The following POLR2F variants were observed in gnomAD, a reference collection of about 807,000 sequenced individuals.
The protein encoded by POLR2F is DNA-directed RNA polymerases I, II, and III subunit RPABC2.
A neutral mutation model predicts 22.7 loss-of-function variants in POLR2F; 12 were observed. That is an observed-to-expected ratio of 0.53 (90% CI 0.34 to 0.86). The LOEUF (loss-of-function observed/expected upper bound fraction) is 0.86. Among genes scored for constraint, POLR2F ranks in the 40% least tolerant of loss-of-function variants. POLR2F has a pLI of 0.02. For synonymous variants in POLR2F, 57 were observed against 66.0 expected (o/e 0.86, Z 0.66); for missense variants, 126 against 171.5 (o/e 0.73, Z 1.48).
rs1932299360 is a variant in POLR2F, at chr22:37,978,651, A to C, written c.293+11481A>C. 1.3e-5 allele frequency among the ~76,000 whole-genome samples: 2 copies of C among 152,176 alleles called. No individual in the cohort carries two copies. Among genetic ancestry groups the C allele is most frequent in the Non-Finnish European group, 2.9e-5 (2 of 68,032 alleles). ...TACTTCTCTGAGCCTGAGTTTCTTC[A>C]CCTATAAAAGGATGATAACATTGGC... On this transcript the variant is annotated intron_variant, in intron 4 of 4. Coordinates refer to the POLR2F transcript ENST00000405557. The surrounding 1 kb of genome is among the most constrained non-coding windows in gnomAD (Gnocchi z 5.0).
rs78576589 is a variant in POLR2F, at chr22:38,009,994, T to C, written c.121-15875T>C. Among the ~76,000 whole-genome samples the C allele has an allele frequency of 9.6e-3, 1,467 of 152,320 alleles. 27 individuals are homozygous for C. Among genetic ancestry groups the C allele is most frequent in the African/African-American group, 0.034 (1,421 of 41,566 alleles). On this transcript the variant is annotated intron_variant, in intron 1 of 2. Coordinates refer to the POLR2F transcript ENST00000333418. ...GCTCCTATGAACATTCATGTACAAG[T>C]TGTGTGGACATATGCTTTCATTTCT...
At chr22:38,014,806 A>ATTTTTTTTTTTTTTTTTTTTTTTTGTT (rs71737468) in intron 1 of POLR2F, among the ~76,000 whole-genome samples, 1 of 96,932 alleles carries the variant, frequency 1.0e-5, no homozygotes, top group Non-Finnish European at 2.0e-5. Context: ...GTATTTTTGT[A>ATTTTTTTTTTTTTTTTTTTTTTTTGTT]TTTTTTTTTT....
chr22:38,000,099 C>A (rs1200062441), intron 1 of POLR2F, among the ~76,000 whole-genome samples: 1 of 152,230 alleles, frequency 6.6e-6, no homozygotes, highest in Non-Finnish European at 1.5e-5. Flanking sequence ...TCTGGTGACT[C>A]ATCCTGCTGG....
chr22:37,959,545 T>G (rs1931542366), intron 3 of POLR2F, 69 bp downstream of exon 3: 1 of 1,538,138 alleles, frequency 6.5e-7, no homozygotes, highest in African/African-American at 1.4e-5. Context: ...CCGCTGATCT[T>G]TCCCAGCCTG....
chr22:37,971,697 CAG>C (rs1932057318), downstream of POLR2F, among the ~76,000 whole-genome samples: 1 of 152,074 alleles, frequency 6.6e-6, no homozygotes, highest in Non-Finnish European at 1.5e-5. Context: ...TGCAGCAACA[CAG>C]GGCCTATCCA....
At chr22:38,025,583 C>G in intron 1 of POLR2F, 1 of 1,508,056 alleles carries the variant, frequency 6.6e-7, no homozygotes, top group East Asian at 2.3e-5. Flanking sequence ...TTCCAGACTT[C>G]TCTGGGGGCT....
At chr22:38,008,653 C>T (rs1488948992) in intron 1 of POLR2F, among the ~76,000 whole-genome samples, 2 of 151,734 alleles carry the variant, frequency 1.3e-5, no homozygotes, top group Non-Finnish European at 2.9e-5. Context: ...GGGTGGGTCA[C>T]CTGAGGTCAG....
At chr22:37,960,528 G>C (rs796786378) in intron 3 of POLR2F, among the ~76,000 whole-genome samples, 14 of 152,290 alleles carry the variant, frequency 9.2e-5, no homozygotes, top group African/African-American at 3.4e-4. Context: ...CTCCAGAGTA[G>C]CTGGGACTAC....
chr22:37,973,990 C>A (rs774324385), downstream of POLR2F: 1 of 1,612,998 alleles, frequency 6.2e-7, no homozygotes, highest in South Asian at 1.1e-5. Flanking sequence ...GCCCATTGGG[C>A]GGCAGGTACT....
downstream of POLR2F, chr22:37,972,112 G>A (rs1255764723): frequency 1.4e-4 from 49 of 339,210 alleles, 1 homozygote; most frequent in South Asian, 1.0e-3. Context: ...GAGAGAAAGA[G>A]AGGAGAGAAG....
At position 37,956,814 on chromosome 22, in the gene POLR2F, G is replaced by T. The variant is rs1423733874; in HGVS notation, c.62G>T (p.Gly21Val). 4 of 1,614,076 alleles carry T rather than the reference G, an allele frequency of 2.5e-6. No homozygotes were observed. The highest frequency in any genetic ancestry group is 2.5e-6 in the Non-Finnish European group (3 of 1,179,900). The change falls in exon 2 of 5, where the codon GGG becomes GTG. Residue 21 changes from glycine to valine, a missense_variant. Coordinates refer to ENST00000442738, the MANE Select transcript of POLR2F (RefSeq NM_021974.5). ...TTTGATGATGTGGAGGAGGATGAAG[G>T]GCTAGATGACTTGGAGAATGCCGAA... ...DDFDDVEEDE[G>V]LDDLENAEEE...
In POLR2F at chr22:37,986,988, G is replaced by A. The variant is rs1353859620; in HGVS notation, c.120+676G>A. ...GTCACCTTCTCCTCCTTTCCCTGCT[G>A]GGGGTGGCAGGGGTCCCTTTACCCC... On this transcript the variant is annotated intron_variant, in intron 1 of 2. Transcript: ENST00000333418. The surrounding 1 kb of genome is among the most constrained non-coding windows in gnomAD (Gnocchi z 4.7). 1 of 453,400 alleles carries A rather than the reference G, an allele frequency of 2.2e-6. No homozygotes were observed. Among genetic ancestry groups the A allele is most frequent in the Non-Finnish European group, 4.5e-6 (1 of 224,574 alleles). 28.1% of individuals were successfully genotyped at this position (453,400 alleles called of 1,614,324 possible).
At chr22:38,013,438 G>A (rs1205293452) in intron 1 of POLR2F, among the ~76,000 whole-genome samples, 1 of 152,146 alleles carries the variant, frequency 6.6e-6, no homozygotes, top group Non-Finnish European at 1.5e-5. Context: ...GAGCCACTAC[G>A]CCCGGTCAGT....
At chr22:37,983,226 G>C, upstream of POLR2F, 1 of 1,123,604 alleles carries the variant, frequency 8.9e-7, no homozygotes, top group South Asian at 1.3e-5. The surrounding 1 kb of genome is among the most constrained non-coding windows in gnomAD (Gnocchi z 9.5). Flanking sequence ...CCCACACCTG[G>C]TCTTCCAGCC....
intron 1 of POLR2F, among the ~76,000 whole-genome samples, chr22:38,024,138 C>T (rs1286160174): frequency 6.6e-6 from 1 of 152,168 alleles, no homozygotes; most frequent in Non-Finnish European, 1.5e-5. Flanking sequence ...GCCACAGCGC[C>T]TGGCCCTGTC....
At chr22:38,036,375 C>A (rs1334372896) in intron 5 of POLR2F, among the ~76,000 whole-genome samples, 2 of 151,686 alleles carry the variant, frequency 1.3e-5, no homozygotes, top group Admixed American at 6.6e-5. Context: ...TTTAAAAATT[C>A]CCCGAAGGAG....
intron 1 of POLR2F, among the ~76,000 whole-genome samples, chr22:37,995,190 G>T (rs1170069578): frequency 6.6e-6 from 1 of 152,184 alleles, no homozygotes; most frequent in African/African-American, 2.4e-5. Context: ...TTGCTGTCAG[G>T]GGCTTTAGGG....
chr22:37,998,834 GGGAGAGGAGA>G (rs879845284), intron 1 of POLR2F, among the ~76,000 whole-genome samples: 26 of 151,982 alleles, frequency 1.7e-4, no homozygotes, highest in Middle Eastern at 3.4e-3. Flanking sequence ...GAGAGAGAGA[GGGAGAGGAGA>G]GGAGAGGAGA....
At chr22:37,969,913 A>G (rs1931993887), downstream of POLR2F, among the ~76,000 whole-genome samples, 1 of 152,162 alleles carries the variant, frequency 6.6e-6, no homozygotes, top group South Asian at 2.1e-4. Flanking sequence ...ACAAGGCATC[A>G]GTAGTCTCCA....
Sources: gnomAD v4.1 joint callset for allele counts (sites outside exome capture counted in the v4.1 genomes callset) on GRCh38, gnomAD v4.1.1 for gene constraint, Gnocchi (gnomAD v3.1) non-coding constraint, MANE v1.5 for transcripts, NCBI Gene and HGNC (gene_info 2026-07-23, HGNC 2026-07-21) for gene names.